The following COPA variants were observed in gnomAD, a reference collection of about 807,000 sequenced individuals.
COPA encodes the protein coat protein complex I subunit alpha.
In COPA, 10 loss-of-function variants were observed where a neutral mutation model predicts 158.7. The observed-to-expected ratio is 0.06, with a 90% confidence interval of 0.04 to 0.11. The LOEUF (loss-of-function observed/expected upper bound fraction) is 0.11. COPA is among the 10% of genes least tolerant of loss of function. COPA has a pLI of 1.00. For synonymous variants in COPA, 462 were observed against 542.8 expected (o/e 0.85, Z 2.07); for missense variants, 1,065 against 1,536.7 (o/e 0.69, Z 5.13).
chr1:160,292,175 C>A lies in COPA; in HGVS notation c.2984G>T (p.Gly995Val), dbSNP rs1224538172. 1 of 1,613,314 alleles carries A rather than the reference C, an allele frequency of 6.2e-7. No individual in the cohort carries two copies. Among genetic ancestry groups the A allele is most frequent in the Non-Finnish European group, 8.5e-7 (1 of 1,179,962 alleles). The change falls in exon 29 of 33, where the codon GGT (glycine) becomes GTT (valine). Residue 995 changes from glycine (G) to valine (V), a missense_variant. This residue lies in a region of COPA where 980 missense variants were observed against 1,357.8 expected (regional missense o/e 0.72). Transcript: ENST00000241704. ...AAGCTTCAGGCCCACAGCTGGTACA[C>A]CATTCTTCAGCCCTGCATCCTTCCT... ...RNWKDAGLKN[G>V]VPAVGLKLND...
chr1:160,295,590 T>C, intron 23 of COPA, 146 bp downstream of exon 23: 2 of 874,718 alleles, frequency 2.3e-6, no homozygotes, highest in Non-Finnish European at 1.6e-6. Context: ...TTTTTAAGAC[T>C]GCACCATAAA....
intron 1 of COPA, among the ~76,000 whole-genome samples, chr1:160,341,281 C>A (rs1375376228): frequency 6.6e-6 from 1 of 152,184 alleles, no homozygotes; most frequent in Non-Finnish European, 1.5e-5. Flanking sequence ...AAGTGGGGAT[C>A]ACGTTATGAT....
intron 6 of COPA, among the ~76,000 whole-genome samples, chr1:160,329,665 C>T (rs941427299): frequency 1.3e-5 from 2 of 152,048 alleles, no homozygotes; most frequent in African/African-American, 2.4e-5. Flanking sequence ...TTTTAATGCC[C>T]GAAAGGCATC....
chr1:160,302,549 C>CTTTTTTTTTTT (rs35112618), intron 17 of COPA, among the ~76,000 whole-genome samples: 1 of 91,688 alleles, frequency 1.1e-5, no homozygotes. Context: ...TCACAAGTTA[C>CTTTTTTTTTTT]TTTTTTTTTT....
intron 32 of COPA, 73 bp downstream of exon 32, chr1:160,290,419 A>T (rs1658186941): frequency 6.5e-7 from 1 of 1,528,512 alleles, no homozygotes; most frequent in Non-Finnish European, 8.9e-7. Context: ...AGAAGAAAAA[A>T]AGGACCACCA....
Position 160,298,979 on chromosome 1 carries a change from C to T in COPA, c.1843G>A (p.Val615Met), listed in dbSNP as rs762565847. Reference sequence around the variant, plus strand: ...TGGCCAACTAGTTTGGCATTCCTCACCATGTGCAGTACCTAGACATTTGGG... The same window carrying T: ...TGGCCAACTAGTTTGGCATTCCTCATCATGTGCAGTACCTAGACATTTGGG... ...NRKYDEVLHMVRNAKLVGQSI... is the reference protein window; with the variant it reads ...NRKYDEVLHMMRNAKLVGQSI... The change falls in exon 19 of 33, where the codon GTG (valine) becomes ATG (methionine). Residue 615 changes from valine to methionine, a missense_variant. By Grantham distance (21) the Val-to-Met change is conservative (BLOSUM62 1). Coordinates refer to ENST00000241704, the MANE Select transcript of COPA (RefSeq NM_004371.4). 6.2e-7 allele frequency: 1 copy of T among 1,614,124 alleles called. No individual in the cohort carries two copies. The highest frequency in any genetic ancestry group is 1.7e-5 in the Admixed American group (1 of 60,020).
At chr1:160,307,973 G>A (rs1422683125) in intron 13 of COPA, among the ~76,000 whole-genome samples, 6 of 152,114 alleles carry the variant, frequency 3.9e-5, no homozygotes, top group African/African-American at 1.2e-4. Flanking sequence ...GGAGTGGCAG[G>A]CAATTTATGA....
intron 21 of COPA, among the ~76,000 whole-genome samples, chr1:160,296,626 G>A (rs1272569993): frequency 6.6e-6 from 1 of 152,226 alleles, no homozygotes; most frequent in Non-Finnish European, 1.5e-5. Context: ...CTAAGCCGGA[G>A]GCACCTAGCT....
At chr1:160,310,369 A>G (rs1658924348) in intron 11 of COPA, 111 bp from the exon 12 acceptor site, 1 of 516,844 alleles carries the variant, frequency 1.9e-6, no homozygotes, top group Non-Finnish European at 3.5e-6. Context: ...CTATATACTC[A>G]TCACTTTTAT....
chr1:160,293,496 ATTTT>A (rs368176604), intron 25 of COPA, 33 bp from the exon 26 acceptor site: 66 of 1,332,160 alleles, frequency 5.0e-5, no homozygotes, highest in South Asian at 1.4e-4. Context: ...GTATTGAGTA[ATTTT>A]TTTTTTTTTT....
chr1:160,312,990 C>A, intron 10 of COPA, 95 bp downstream of exon 10: 1 of 1,105,340 alleles, frequency 9.0e-7, no homozygotes, highest in South Asian at 1.5e-5. Flanking sequence ...TCTTGTCATC[C>A]TACTATACAT....
In COPA at chr1:160,291,505, C is replaced by T; in HGVS notation, c.3259-9G>A. The T allele has an allele frequency of 6.2e-7, 1 of 1,610,678 alleles. No homozygotes were observed. Among genetic ancestry groups the T allele is most frequent in the Non-Finnish European group, 8.5e-7 (1 of 1,177,716 alleles). On this transcript the variant is annotated splice_polypyrimidine_tract_variant and intron_variant, in intron 30 of 32. Coordinates refer to ENST00000241704, the MANE Select transcript of COPA (RefSeq NM_004371.4). ...GTGAAATAGGCTGCCATCTGGTGGA[C>T]AGAAAAAGGAACACATGCCAGGTTG...
intron 27 of COPA, 112 bp from the exon 28 acceptor site, chr1:160,292,732 C>CT (rs1442265632): frequency 1.2e-6 from 1 of 823,508 alleles, no homozygotes; most frequent in African/African-American, 1.7e-5. Flanking sequence ...GTAAAATACA[C>CT]TTAATTGTAA....
chr1:160,306,590 TTAAC>T (rs1466314161), intron 14 of COPA, 97 bp from the exon 15 acceptor site: 5 of 1,474,110 alleles, frequency 3.4e-6, no homozygotes, highest in Non-Finnish European at 4.7e-6. Flanking sequence ...TTAGCTTCAA[TTAAC>T]TAAGTATTTT....
intron 8 of COPA, among the ~76,000 whole-genome samples, chr1:160,317,023 T>C (rs1340057913): frequency 1.3e-5 from 2 of 151,992 alleles, no homozygotes; most frequent in Non-Finnish European, 2.9e-5. Flanking sequence ...GAGCTCCAAT[T>C]TGTCTGGCAA....
rs1413004674 is a variant in COPA, at chr1:160,313,104, G to T, written c.906C>A (p.Asn302Lys). 1 of 1,613,982 alleles carries T rather than the reference G, an allele frequency of 6.2e-7. No homozygotes were observed. Among genetic ancestry groups the T allele is most frequent in the Non-Finnish European group, 8.5e-7 (1 of 1,180,006 alleles). The change falls in exon 10 of 33, where the codon AAC becomes AAA. Residue 302 changes from asparagine (N) to lysine (K), a missense_variant. Transcript: ENST00000241704. The part of the protein sequence containing the change: ...DRFWVLAAHP[N>K]LNLFAAGHDG... ...CCTTACCTGCTGCAAAGAGGTTAAG[G>T]TTAGGGTGAGCAGCTAGGACCCAGA...
intron 23 of COPA, 82 bp from the exon 24 acceptor site, chr1:160,294,939 C>T: frequency 8.8e-7 from 1 of 1,136,156 alleles, no homozygotes; most frequent in Non-Finnish European, 1.3e-6. Flanking sequence ...AGGTTAAATC[C>T]TTTCAAAAAC....
In COPA at chr1:160,309,194, A is replaced by C; in HGVS notation, c.1144-18T>G. ...CTAGCTCTCTGTAGAAGAAAAGGGG[A>C]AATTAAAATGTTAGTGAGAAGCACC... On this transcript the variant is annotated intron_variant, in intron 12 of 32. Transcript: ENST00000241704. 1 of 1,597,640 alleles carries C rather than the reference A, an allele frequency of 6.3e-7. No individual in the cohort carries two copies. The highest frequency in any genetic ancestry group is 8.6e-7 in the Non-Finnish European group (1 of 1,165,508).
intron 8 of COPA, among the ~76,000 whole-genome samples, chr1:160,316,905 A>C (rs1359733988): frequency 6.6e-6 from 1 of 152,182 alleles, no homozygotes; most frequent in Non-Finnish European, 1.5e-5. Flanking sequence ...AACAGGTCCA[A>C]CCCAAGTAAG....
Sources: gnomAD v4.1 joint callset for allele counts (sites outside exome capture counted in the v4.1 genomes callset) on GRCh38, gnomAD v4.1.1 for gene constraint, gnomAD v4.1.1 regional missense constraint, MANE v1.5 for transcripts, NCBI Gene and HGNC (gene_info 2026-07-23, HGNC 2026-07-21) for gene names.